Variants in OR2L13 observed in about 807,000 individuals in gnomAD.
The protein encoded by OR2L13 is olfactory receptor 2L13.
Under a neutral mutation model 15.3 loss-of-function variants are expected in OR2L13, and 14 were observed. That is an observed-to-expected ratio of 0.91 (90% CI 0.60 to 1.43). The LOEUF (loss-of-function observed/expected upper bound fraction) is 1.43. Ranked by LOEUF, OR2L13 falls within the 40% of genes most tolerant of loss-of-function variation. OR2L13 has a pLI of 0.00. For synonymous variants in OR2L13, 152 were observed against 142.9 expected, an observed-to-expected ratio of 1.06 and a Z score of -0.45; for missense variants, 367 against 387.9, an observed-to-expected ratio of 0.95 and a Z score of 0.45.
At chr1:248,056,680 T>C in the OR2L13 span, among the ~76,000 whole-genome samples, 3 of 150,956 alleles carry the variant, frequency 2.0e-5, no homozygotes, top group African/African-American at 7.3e-5. Flanking sequence ...GGCTTTTTTT[T>C]TTTTTTTAGA....
the OR2L13 span, chr1:248,030,122 T>C: frequency 6.6e-6 from 1 of 152,188 alleles, no homozygotes; most frequent in Non-Finnish European, 1.5e-5. Flanking sequence ...TGCATTTCTT[T>C]AAGCAATATT....
chr1:248,078,342 G>A, the OR2L13 span, among the ~76,000 whole-genome samples: 9 of 151,932 alleles, frequency 5.9e-5, no homozygotes, highest in Admixed American at 1.3e-4. Context: ...TTAGCTGGGC[G>A]TGGTGACGTA....
At chr1:247,961,693 G>GGA in the OR2L13 span, among the ~76,000 whole-genome samples, 4 of 152,220 alleles carry the variant, frequency 2.6e-5, no homozygotes, top group African/African-American at 7.2e-5. Flanking sequence ...GACCTGAAGA[G>GGA]GAGGACTCCC....
the OR2L13 span, among the ~76,000 whole-genome samples, chr1:248,057,706 T>G: frequency 6.6e-6 from 1 of 152,188 alleles, no homozygotes; most frequent in Non-Finnish European, 1.5e-5. Flanking sequence ...GTATAAAGTT[T>G]TTAACTCCTT....
At chr1:248,028,988 G>A in the OR2L13 span, 1 of 152,104 alleles carries the variant, frequency 6.6e-6, no homozygotes, top group Non-Finnish European at 1.5e-5. Flanking sequence ...AAAATTCTTC[G>A]ACTTTTCAAA....
At chr1:248,060,693 C>T in the OR2L13 span, 1 of 1,611,996 alleles carries the variant, frequency 6.2e-7, no homozygotes, top group Non-Finnish European at 8.5e-7. Flanking sequence ...TGGAAAATTA[C>T]AATCAAACAT....
chr1:247,942,652 A>C, the OR2L13 span, among the ~76,000 whole-genome samples: 4 of 152,164 alleles, frequency 2.6e-5, no homozygotes, highest in Non-Finnish European at 5.9e-5. Flanking sequence ...AACCTGCCAA[A>C]ATTTTTAAAA....
chr1:248,005,524 A>G, the OR2L13 span, among the ~76,000 whole-genome samples: 3 of 152,080 alleles, frequency 2.0e-5, no homozygotes, highest in Non-Finnish European at 4.4e-5. Flanking sequence ...TGCTTTGACT[A>G]TTTGGGGTCT....
chr1:247,976,283 C>T, the OR2L13 span, among the ~76,000 whole-genome samples: 1 of 152,140 alleles, frequency 6.6e-6, no homozygotes, highest in African/African-American at 2.4e-5. Flanking sequence ...CCCTTGGTTG[C>T]CACCGGTATT....
the OR2L13 span, among the ~76,000 whole-genome samples, chr1:247,945,839 A>C: frequency 3.3e-5 from 5 of 152,066 alleles, no homozygotes; most frequent in African/African-American, 1.2e-4. Context: ...CCTTCTTTCC[A>C]TTCACTTGGT....
At chr1:247,937,444 C>G in the OR2L13 span, 12 of 158,606 alleles carry the variant, frequency 7.6e-5, no homozygotes, top group Non-Finnish European at 1.5e-4. Flanking sequence ...TTCTTGCTCC[C>G]GACTGTCAGC....
chr1:248,064,955 A>G, the OR2L13 span, among the ~76,000 whole-genome samples: 3 of 152,196 alleles, frequency 2.0e-5, no homozygotes, highest in African/African-American at 7.2e-5. Context: ...GTCCCCACTG[A>G]CATAGTATCT....
At chr1:248,021,576 A>G in the OR2L13 span, among the ~76,000 whole-genome samples, 4 of 152,302 alleles carry the variant, frequency 2.6e-5, no homozygotes, top group East Asian at 1.9e-4. Flanking sequence ...ACTTTATTTC[A>G]TCATGTAGAC....
chr1:247,965,740 C>T, the OR2L13 span: 26 of 1,561,842 alleles, frequency 1.7e-5, no homozygotes, highest in African/African-American at 4.1e-5. Flanking sequence ...GTCTTATGAT[C>T]GCTATGTAGC....
chr1:248,028,160 AAAAAAAAAAT>A, the OR2L13 span, among the ~76,000 whole-genome samples: 1 of 150,870 alleles, frequency 6.6e-6, no homozygotes, highest in African/African-American at 2.4e-5. Context: ...AAAAAAAAAA[AAAAAAAAAAT>A]CATGTCCAAG....
chr1:247,977,418 G>T, the OR2L13 span, among the ~76,000 whole-genome samples: 1 of 152,264 alleles, frequency 6.6e-6, no homozygotes, highest in South Asian at 2.1e-4. Flanking sequence ...TACTTATGAA[G>T]AGCAGAATCC....
the OR2L13 span, chr1:248,003,235 A>T: frequency 6.5e-7 from 1 of 1,546,816 alleles, no homozygotes; most frequent in South Asian, 1.1e-5. Context: ...TCATTTTCCT[A>T]ATGGCTCTAA....
At chr1:247,984,627 C>T in the OR2L13 span, among the ~76,000 whole-genome samples, 1 of 152,082 alleles carries the variant, frequency 6.6e-6, no homozygotes, top group Non-Finnish European at 1.5e-5. Flanking sequence ...AAATAATTTG[C>T]TCTGTAGAGG....
At chr1:247,994,269 C>T in the OR2L13 span, among the ~76,000 whole-genome samples, 15 of 152,172 alleles carry the variant, frequency 9.9e-5, no homozygotes, top group South Asian at 8.3e-4. Context: ...TGGTGGCGGG[C>T]GCCTGTAGTC....
Sources: gnomAD v4.1 joint callset for allele counts (sites outside exome capture counted in the v4.1 genomes callset) on GRCh38, gnomAD v4.1.1 for gene constraint, MANE v1.5 for transcripts, NCBI Gene and HGNC (gene_info 2026-07-23, HGNC 2026-07-21) for gene names.